Variants in KLHL6 observed in about 807,000 individuals in gnomAD.
KLHL6 encodes the protein kelch like family member 6.
KLHL6 carries 41 observed loss-of-function variants against 58.6 expected under a neutral mutation model. The observed-to-expected ratio is 0.70, with a 90% CI of 0.55 to 0.91. The LOEUF is 0.91. KLHL6 is among the 40% of genes least tolerant of loss of function. KLHL6 has a pLI of 0.00. For synonymous variants in KLHL6, 338 were observed against 322.7 expected (o/e 1.05, Z -0.51); for missense variants, 714 against 805.6 (o/e 0.89, Z 1.38).
chr3:183,550,694 G>A (rs183663561), intron 1 of KLHL6, among the ~76,000 whole-genome samples: 101 of 152,234 alleles, frequency 6.6e-4, no homozygotes, highest in African/African-American at 2.2e-3. Context: ...TACTTGGGGG[G>A]CTGAGGTGGA....
At chr3:183,550,182 C>T (rs765276025) in intron 1 of KLHL6, among the ~76,000 whole-genome samples, 34 of 151,982 alleles carry the variant, frequency 2.2e-4, no homozygotes, top group Non-Finnish European at 4.4e-4. Context: ...GAAAAATCTT[C>T]CAGAAAGTAA....
intron 4 of KLHL6, among the ~76,000 whole-genome samples, chr3:183,496,547 G>T (rs1717717689): frequency 6.6e-6 from 1 of 152,028 alleles, no homozygotes; most frequent in African/African-American, 2.4e-5. Context: ...TTTTTAAGGA[G>T]ACCAAAAAAA....
Position 183,540,192 on chromosome 3 carries a change from G to A in KLHL6, c.294-12182C>T, listed in dbSNP as rs1287538747. Among the ~76,000 whole-genome samples, 3 of 152,326 alleles carry A rather than the reference G, an allele frequency of 2.0e-5. No individual in the cohort carries two copies. In the East Asian group the frequency reaches 5.8e-4, roughly 29 times the overall value. On this transcript the variant is annotated intron_variant, in intron 1 of 6. Coordinates refer to ENST00000341319, the MANE Select transcript of KLHL6 (RefSeq NM_130446.4). ...TTCCAGAACTTTCTTTGGAATTACT[G>A]AGAAAGAGAAGCTGTCTCTTCCCAC... is the stretch of plus-strand genomic sequence containing the variant.
intron 3 of KLHL6, among the ~76,000 whole-genome samples, chr3:183,506,257 C>T (rs1319900431): frequency 6.6e-6 from 1 of 152,186 alleles, no homozygotes; most frequent in African/African-American, 2.4e-5. Context: ...GAAAAATCTT[C>T]TTCAGGAATT....
chr3:183,552,275 TC>T (rs1473704989), intron 1 of KLHL6: 10 of 152,220 alleles, frequency 6.6e-5, no homozygotes, highest in African/African-American at 2.4e-4. Flanking sequence ...TTAGAAATAG[TC>T]CAGATGTCTG....
rs76916387 is a variant in KLHL6 at position 183,502,972 on chromosome 3, C to T, written c.910-3145G>A. The stretch of plus-strand genomic sequence containing the variant: ...CCACGGAGCTGCCGAGTGGTGGCAT[C>T]ATTACCACATTGTAAGTTCAGCTAC... On this transcript the variant is annotated intron_variant, in intron 3 of 6. Transcript: ENST00000341319. Among the ~76,000 whole-genome samples, 1,406 of 152,290 alleles carry T rather than the reference C, an allele frequency of 9.2e-3. 19 individuals carry two copies. Among genetic ancestry groups the T allele is most frequent in the African/African-American group, 0.032 (1,338 of 41,546 alleles).
intron 3 of KLHL6, among the ~76,000 whole-genome samples, chr3:183,501,397 G>A (rs978139772): frequency 6.6e-6 from 1 of 152,190 alleles, no homozygotes; most frequent in Non-Finnish European, 1.5e-5. Context: ...TCTTTCGGAG[G>A]GGATCTAGGT....
intron 1 of KLHL6, among the ~76,000 whole-genome samples, chr3:183,532,184 G>A (rs1354894111): frequency 2.6e-5 from 4 of 152,040 alleles, no homozygotes; most frequent in African/African-American, 7.2e-5. Flanking sequence ...GATAGGATTC[G>A]TGTCCTTATA....
chr3:183,555,166 A>C (rs1053478632), intron 1 of KLHL6, among the ~76,000 whole-genome samples, 195 bp downstream of exon 1: 1 of 152,210 alleles, frequency 6.6e-6, no homozygotes, highest in East Asian at 1.9e-4. Flanking sequence ...ACTCCGTCTC[A>C]AAAATAAATA....
chr3:183,496,137 C>T (rs1401260537), intron 4 of KLHL6, among the ~76,000 whole-genome samples: 4 of 151,972 alleles, frequency 2.6e-5, no homozygotes, highest in Non-Finnish European at 2.9e-5. Flanking sequence ...AGGTAAAAAA[C>T]AACCACAGTC....
At chr3:183,513,554 T>C (rs1447412908) in intron 2 of KLHL6, among the ~76,000 whole-genome samples, 2 of 152,198 alleles carry the variant, frequency 1.3e-5, no homozygotes, top group African/African-American at 4.8e-5. Flanking sequence ...TCCTGCTTGG[T>C]GGCTGTTGAT....
At chr3:183,525,918 T>C (rs1445219114) in intron 2 of KLHL6, among the ~76,000 whole-genome samples, 1 of 152,244 alleles carries the variant, frequency 6.6e-6, no homozygotes, top group African/African-American at 2.4e-5. Flanking sequence ...GCATGGAATA[T>C]GAAGAACAGC....
chr3:183,547,634 A>ATTTATT (rs2108697990), intron 1 of KLHL6, among the ~76,000 whole-genome samples: 1 of 152,284 alleles, frequency 6.6e-6, no homozygotes, highest in Non-Finnish European at 1.5e-5. Context: ...TGCTTCCAGT[A>ATTTATT]TTTTGTTTTT....
In KLHL6 at chr3:183,547,060, C is replaced by T. The variant is rs182367886; in HGVS notation, c.293+8301G>A. On this transcript the variant is annotated intron_variant, in intron 1 of 6. Coordinates refer to ENST00000341319, the MANE Select transcript of KLHL6 (RefSeq NM_130446.4). ...CTGAGTAGCTGGGACTACAGGCACA[C>T]GCCACCGTGCCTGGCTAATTTTTAT... Among the ~76,000 whole-genome samples, 221 of 152,212 alleles carry T rather than the reference C, an allele frequency of 1.5e-3. 1 individual carries two copies. The highest frequency in any genetic ancestry group is 0.014 in the South Asian group (68 of 4,812).
chr3:183,553,537 C>T (rs1198479443), intron 1 of KLHL6, among the ~76,000 whole-genome samples: 1 of 152,246 alleles, frequency 6.6e-6, no homozygotes, highest in Non-Finnish European at 1.5e-5. Context: ...ACTTCACTCA[C>T]TCCTGAGAGG....
intron 1 of KLHL6, among the ~76,000 whole-genome samples, chr3:183,553,531 C>T (rs917590399): frequency 6.6e-6 from 1 of 152,216 alleles, no homozygotes; most frequent in African/African-American, 2.4e-5. Flanking sequence ...AACTTGACTT[C>T]ACTCACTCCT....
rs776834054 is a variant in KLHL6 at position 183,499,676 on chromosome 3, G to T, written c.1061C>A (p.Pro354Gln). The T allele has an allele frequency of 8.7e-6, 14 of 1,611,660 alleles. No individual in the cohort carries two copies. Among genetic ancestry groups the T allele is most frequent in the Non-Finnish European group, 1.1e-5 (13 of 1,179,028 alleles). The change falls in exon 4 of 7, where the codon CCG becomes CAG. Residue 354 changes from proline to glutamine, a missense_variant. Around this residue, in one of 2 missense-constraint regions of KLHL6, gnomAD observed 510 missense variants for 629.7 expected, o/e 0.81. Coordinates refer to ENST00000341319, the MANE Select transcript of KLHL6 (RefSeq NM_130446.4). The surrounding 1 kb of genome is among the most constrained non-coding windows in gnomAD (Gnocchi z 4.6). The stretch of plus-strand genomic sequence containing the variant: ...ACTCTCCAGCTCATGCTCTGTTAGC[G>T]GGAGCTTGGCCACCTCCAGGCGGCT... ...RRSRLEVAKL[P>Q]LTEHELESEN...
rs772685034 is a variant in KLHL6, at chr3:183,555,498, C to T, written c.156G>A (p.Ala52=). The T allele has an allele frequency of 1.2e-5, 19 of 1,614,120 alleles. No individual in the cohort carries two copies. Among genetic ancestry groups the T allele is most frequent in the South Asian group, 4.4e-5 (4 of 91,080 alleles). The change falls in exon 1 of 7, where the codon GCG becomes GCA. Residue 52 remains alanine (A), a synonymous_variant. Transcript: ENST00000341319. The part of the protein sequence containing the change: ...LNGEKVKFDD[A]GLSLILQNGL... ...CATTCTGAAGAATTAAGGAGAGTCC[C>T]GCGTCGTCAAATTTGACCTTTTCCC...
At chr3:183,542,910 G>A (rs1712601929) in intron 1 of KLHL6, among the ~76,000 whole-genome samples, 1 of 152,072 alleles carries the variant, frequency 6.6e-6, no homozygotes, top group African/African-American at 2.4e-5. Flanking sequence ...ATGGACAGAT[G>A]GATGGAAATT....
Sources: gnomAD v4.1 joint callset for allele counts (sites outside exome capture counted in the v4.1 genomes callset) on GRCh38, gnomAD v4.1.1 for gene constraint, gnomAD v4.1.1 regional missense constraint, Gnocchi (gnomAD v3.1) non-coding constraint, MANE v1.5 for transcripts, NCBI Gene and HGNC (gene_info 2026-07-23, HGNC 2026-07-21) for gene names.